The following PLXNA4 variants were observed in gnomAD, a reference collection of about 807,000 sequenced individuals.
PLXNA4 encodes plexin-A4.
In PLXNA4, 44 loss-of-function variants were observed where a neutral mutation model predicts 191.8. The observed-to-expected ratio is 0.23, with a 90% CI of 0.18 to 0.29. The LOEUF (loss-of-function observed/expected upper bound fraction) is 0.29, where lower values mean the gene tolerates loss of function less well. Ranked by LOEUF, PLXNA4 falls within the 10% of genes least tolerant of loss-of-function variation. PLXNA4 has a pLI of 1.00. For synonymous variants in PLXNA4, 1,082 were observed against 1,009.5 expected (o/e 1.07, Z -1.36); for missense variants, 1,800 against 2,488.8 (o/e 0.72, Z 5.89).
chr7:132,383,654 C>A, intron 3 of PLXNA4: 1 of 982,462 alleles, frequency 1.0e-6, no homozygotes, highest in Non-Finnish European at 1.2e-6. Flanking sequence ...TCTACCTAAC[C>A]ATTCTCCTAT....
intron 15 of PLXNA4, 43 bp from the exon 16 acceptor site, chr7:132,185,506 G>C: frequency 6.3e-7 from 1 of 1,579,830 alleles, no homozygotes; most frequent in East Asian, 2.3e-5. Flanking sequence ...TGGTGTTGAG[G>C]AGGACAGAGG....
At chr7:132,144,757 C>T (rs1171857894) in intron 29 of PLXNA4, among the ~76,000 whole-genome samples, 3 of 152,168 alleles carry the variant, frequency 2.0e-5, no homozygotes, top group East Asian at 1.9e-4. Flanking sequence ...TGATTAGCCC[C>T]GTGTCTAGCA....
chr7:132,208,496 G>A (rs896197673), intron 10 of PLXNA4, among the ~76,000 whole-genome samples: 4 of 152,170 alleles, frequency 2.6e-5, no homozygotes, highest in South Asian at 2.1e-4. Flanking sequence ...GGGCCAGAGC[G>A]CAGCAGGAGC....
chr7:132,329,785 A>G (rs1802517998), intron 3 of PLXNA4, among the ~76,000 whole-genome samples: 1 of 152,164 alleles, frequency 6.6e-6, no homozygotes, highest in Admixed American at 6.5e-5. Flanking sequence ...CCAAAAAGAA[A>G]TGAAGGCTCC....
chr7:132,316,871 G>C (rs1254509957), intron 3 of PLXNA4, among the ~76,000 whole-genome samples: 4 of 152,182 alleles, frequency 2.6e-5, no homozygotes, highest in Admixed American at 6.5e-5. Flanking sequence ...AGTAAAACAG[G>C]GTGCTATAAG....
At position 132,316,674 on chromosome 7, in the gene PLXNA4, G is replaced by T. The variant is rs926079385; in HGVS notation, c.1372-18452C>A. Among the ~76,000 whole-genome samples the T allele has an allele frequency of 1.1e-4, 16 of 152,306 alleles. No homozygotes were observed. In the East Asian group the frequency reaches 2.7e-3, roughly 26 times the overall value. ...CCAGCAGATGAAGAACTAAAGCCTGGATGGGAAATGACTCTCCAAATTCAT... is the reference window on the plus strand; with the variant it reads ...CCAGCAGATGAAGAACTAAAGCCTGTATGGGAAATGACTCTCCAAATTCAT... On this transcript the variant is annotated intron_variant, in intron 3 of 31. Transcript: ENST00000321063.
intron 25 of PLXNA4, among the ~76,000 whole-genome samples, chr7:132,151,257 AAGG>A (rs1305916292): frequency 3.4e-5 from 4 of 118,586 alleles, no homozygotes; most frequent in African/African-American, 1.2e-4. Context: ...GAGGAAGAAG[AAGG>A]AGGAGGAGGA....
intron 3 of PLXNA4, among the ~76,000 whole-genome samples, chr7:132,483,994 G>T (rs891723693): frequency 6.6e-6 from 1 of 152,192 alleles, no homozygotes; most frequent in Non-Finnish European, 1.5e-5. Context: ...GTGCAGGGAA[G>T]GTGGGTGGGC....
Position 132,129,092 on chromosome 7 carries a change from G to A in PLXNA4, c.*1387C>T, listed in dbSNP as rs532045706. On this transcript the variant is annotated 3_prime_UTR_variant, in exon 32 of 32. Coordinates refer to ENST00000321063, the MANE Select transcript of PLXNA4 (RefSeq NM_020911.2). ...ATGGGGAGATGGATGCCAAGGCCAA[G>A]GTCATTTGTATGTCCCTCTTCTTAA... 1.3e-5 allele frequency: 2 copies of A among 152,336 alleles called. No individual in the cohort carries two copies. The highest frequency in any genetic ancestry group is 2.9e-5 in the Non-Finnish European group (2 of 68,042). 9.4% of individuals were successfully genotyped at this position (152,336 alleles called of 1,614,324 possible). A position where few individuals can be genotyped will look rare whatever the true frequency, so the allele number is the denominator to read the frequency against.
chr7:132,603,318 G>A (rs1052107311), intron 2 of PLXNA4, among the ~76,000 whole-genome samples: 6 of 151,906 alleles, frequency 3.9e-5, no homozygotes, highest in Admixed American at 2.0e-4. Context: ...GAGAGGAGCC[G>A]AGCTGCTTCA....
At chr7:132,467,291 T>G (rs1796743703) in intron 3 of PLXNA4, among the ~76,000 whole-genome samples, 1 of 152,154 alleles carries the variant, frequency 6.6e-6, no homozygotes, top group African/African-American at 2.4e-5. Flanking sequence ...TGCATTATTT[T>G]TCCAGAGCTG....
chr7:132,198,394 C>A, intron 13 of PLXNA4, 91 bp downstream of exon 13: 1 of 1,503,500 alleles, frequency 6.7e-7, no homozygotes. Context: ...ACAACAAGCT[C>A]TGAGAGCACC....
At chr7:132,372,677 T>C (rs907964936) in intron 3 of PLXNA4, among the ~76,000 whole-genome samples, 1 of 152,176 alleles carries the variant, frequency 6.6e-6, no homozygotes, top group Non-Finnish European at 1.5e-5. Flanking sequence ...CCTTTTAGAA[T>C]CAAACAAAAT....
rs557523935 is a variant in PLXNA4 at position 132,368,845 on chromosome 7, T to C, written c.1372-70623A>G. 1.2e-4 allele frequency among the ~76,000 whole-genome samples: 18 copies of C among 152,274 alleles called. No individual in the cohort carries two copies. The South Asian group carries it at 2.9e-3, about 25-fold the overall frequency. ...ACCAGCCGCCAGCCATGTGGTGACA[T>C]TGGATTTCAGGCAATGACCTTGGGA... On this transcript the variant is annotated intron_variant, in intron 3 of 31. Transcript: ENST00000321063.
At position 132,146,556 on chromosome 7, in the gene PLXNA4, C is replaced by T; in HGVS notation, c.5009G>A (p.Ser1670Asn). The change falls in exon 28 of 32, where the codon AGC becomes AAC. Residue 1670 changes from serine (S) to asparagine (N), a missense_variant. Physicochemically the swap from Ser to Asn is conservative, Grantham distance 46. Transcript: ENST00000321063. ...CAGGTAGATTTCAGACACCATCTTGCTCCCCCGGTCCCCCTCCTTCTGGTC... is the reference window on the plus strand; with the variant it reads ...CAGGTAGATTTCAGACACCATCTTGTTCCCCCGGTCCCCCTCCTTCTGGTC... ...HGDQKEGDRG[S>N]KMVSEIYLTR... The T allele has an allele frequency of 6.2e-7, 1 of 1,614,186 alleles. No homozygotes were observed. The highest frequency in any genetic ancestry group is 8.5e-7 in the Non-Finnish European group (1 of 1,180,030).
intron 4 of PLXNA4, among the ~76,000 whole-genome samples, chr7:132,250,348 G>A (rs1799205109): frequency 6.6e-6 from 1 of 152,174 alleles, no homozygotes; most frequent in Non-Finnish European, 1.5e-5. Context: ...GTGAATGAAT[G>A]CTTGCATGCA....
intron 5 of PLXNA4, among the ~76,000 whole-genome samples, chr7:132,239,391 C>A (rs1357374468): frequency 6.6e-6 from 1 of 152,150 alleles, no homozygotes. Flanking sequence ...TGGGCAGAGA[C>A]CAAAGCTGAC....
rs568486212 is a variant in PLXNA4 at position 132,191,818 on chromosome 7, CTA to C, written c.2856+2242_2856+2243del. Among the ~76,000 whole-genome samples the C allele has an allele frequency of 8.4e-3, 1,119 of 133,456 alleles. 14 individuals carry two copies. The highest frequency in any genetic ancestry group is 0.028 in the African/African-American group (948 of 34,038). 87.6% of individuals were successfully genotyped at this position (133,456 alleles called of 152,430 possible). On this transcript the variant is annotated intron_variant, in intron 14 of 31. Transcript: ENST00000321063. ...TCTGTCTCTATGTCTATATCATATA[CTA>C]TATATATATATATACACACACACAC...
At chr7:132,328,670 A>C (rs910730178) in intron 3 of PLXNA4, among the ~76,000 whole-genome samples, 3 of 152,162 alleles carry the variant, frequency 2.0e-5, no homozygotes, top group South Asian at 2.1e-4. Context: ...AATGCAGAGC[A>C]GGAGAGCATG....
Sources: allele counts gnomAD v4.1 joint callset (sites outside exome capture counted in the v4.1 genomes callset), GRCh38; gene constraint gnomAD v4.1.1; transcripts MANE v1.5; gene names NCBI Gene and HGNC (gene_info 2026-07-23, HGNC 2026-07-21).